The following SIK3 variants were observed in gnomAD, a reference collection of about 807,000 sequenced individuals.
The protein encoded by SIK3 is serine/threonine-protein kinase SIK3.
A neutral mutation model predicts 144.2 loss-of-function variants in SIK3; 28 were observed. The observed-to-expected ratio is 0.19, with a 90% CI of 0.14 to 0.27. The LOEUF is 0.27. Ranked by LOEUF, SIK3 falls within the 10% of genes least tolerant of loss-of-function variation. The pLI is 1.00. For synonymous variants in SIK3, 686 were observed against 676.3 expected, an observed-to-expected ratio of 1.01 and a Z score of -0.22; for missense variants, 1,319 against 1,776.0, an observed-to-expected ratio of 0.74 and a Z score of 4.62.
chr11:116,994,734 A>G (rs1487674823), intron 1 of SIK3, among the ~76,000 whole-genome samples: 1 of 152,160 alleles, frequency 6.6e-6, no homozygotes, highest in Non-Finnish European at 1.5e-5. Flanking sequence ...GTTTACTCAC[A>G]CCAAACTAAA....
At chr11:116,915,153 T>TGTGTGTGCGC (rs1555093368) in intron 4 of SIK3, among the ~76,000 whole-genome samples, 51 of 149,212 alleles carry the variant, frequency 3.4e-4, no homozygotes, top group African/African-American at 1.1e-3. Flanking sequence ...TGTGTGTGTG[T>TGTGTGTGCGC]GTGTGTGTAT....
chr11:116,965,604 G>C (rs1390598839), intron 1 of SIK3, among the ~76,000 whole-genome samples: 6 of 136,520 alleles, frequency 4.4e-5, no homozygotes, highest in Non-Finnish European at 9.6e-5. Flanking sequence ...AAAAAAAAGA[G>C]AGGGAAGAGG....
chr11:117,092,255 C>G (rs1023478759), intron 1 of SIK3, among the ~76,000 whole-genome samples: 2 of 152,070 alleles, frequency 1.3e-5, no homozygotes, highest in Admixed American at 6.6e-5. Context: ...GCTAAGGTAC[C>G]ATGGCATCAT....
At chr11:117,010,282 A>C (rs1951202475) in intron 1 of SIK3, among the ~76,000 whole-genome samples, 1 of 152,198 alleles carries the variant, frequency 6.6e-6, no homozygotes, top group South Asian at 2.1e-4. Flanking sequence ...TAGCACTTTC[A>C]GCATGAGTAA....
intron 4 of SIK3, among the ~76,000 whole-genome samples, chr11:116,907,430 T>C (rs1325404029): frequency 6.6e-6 from 1 of 152,216 alleles, no homozygotes; most frequent in Non-Finnish European, 1.5e-5. Context: ...GCGGATCACT[T>C]GAGGTCAGGA....
At chr11:117,035,715 C>T (rs61905711) in intron 1 of SIK3, 30,526 of 982,302 alleles carry the variant, frequency 0.031, 605 homozygotes, top group Non-Finnish European at 0.034. Flanking sequence ...CCACCATGCC[C>T]GGCTAATTGT....
In SIK3 at chr11:116,918,395, A is replaced by ACCC. The variant is rs529353797; in HGVS notation, c.616+8821_616+8823dup. Among the ~76,000 whole-genome samples, 51 of 136,794 alleles carry ACCC rather than the reference A, an allele frequency of 3.7e-4. No individual in the cohort carries two copies. In the South Asian group the frequency reaches 0.012, roughly 31 times the overall value. 89.7% of individuals were successfully genotyped at this position (136,794 alleles called of 152,430 possible). ...CTCCTACACTTTTTTTTCCACCCCC[A>ACCC]CCCCCACAAGACCTCAAAGCAAAAG... On this transcript the variant is annotated intron_variant, in intron 4 of 24. Coordinates refer to ENST00000445177, the MANE Select transcript of SIK3 (RefSeq NM_001366686.3).
chr11:117,060,328 G>A lies in SIK3; in HGVS notation c.273+37815C>T, dbSNP rs182130417. 2.5e-4 allele frequency among the ~76,000 whole-genome samples: 38 copies of A among 152,282 alleles called. 1 individual carries two copies. The highest frequency in any genetic ancestry group is 8.9e-4 in the African/African-American group (37 of 41,550). On this transcript the variant is annotated intron_variant, in intron 1 of 24. Coordinates refer to ENST00000445177, the MANE Select transcript of SIK3 (RefSeq NM_001366686.3). Reference sequence around the variant, plus strand: ...AGATCAGTGATTGGCCAGGCGAGGTGGCTCATGCCTGTAATCCCAGCACTT... The same window carrying A: ...AGATCAGTGATTGGCCAGGCGAGGTAGCTCATGCCTGTAATCCCAGCACTT...
chr11:117,028,471 G>T (rs1349814268), intron 1 of SIK3, among the ~76,000 whole-genome samples: 1 of 152,112 alleles, frequency 6.6e-6, no homozygotes, highest in Non-Finnish European at 1.5e-5. Context: ...ACCAATGTAG[G>T]AGGTGGCAGA....
intron 1 of SIK3, among the ~76,000 whole-genome samples, chr11:116,978,828 G>C (rs78241753): frequency 0.071 from 10,746 of 152,010 alleles, 673 homozygotes; most frequent in African/African-American, 0.17. Flanking sequence ...ATTTCTAACT[G>C]CCTTTTTTGA....
chr11:116,864,211 T>C (rs1943505775), intron 15 of SIK3: 2 of 156,282 alleles, frequency 1.3e-5, no homozygotes, highest in African/African-American at 4.8e-5. Flanking sequence ...AAATTCACCA[T>C]TTGAGCCAAA....
intron 1 of SIK3, among the ~76,000 whole-genome samples, chr11:116,964,144 G>A (rs1049343118): frequency 3.3e-5 from 5 of 152,064 alleles, no homozygotes; most frequent in African/African-American, 2.4e-5. Flanking sequence ...GAGTAGCTGG[G>A]ACTACAGGGA....
rs775335764 is a variant in SIK3 at position 116,857,850 on chromosome 11, C to T, written c.3615G>A (p.Gln1205=). ...QELGIHPYGH[Q]PTAAFSKNKV... ...TATTTTTACTGAATGCAGCAGTTGG[C>T]TGATGACCATAGGGATGTATCCCCA... is the stretch of plus-strand genomic sequence containing the variant. Residue 1205 remains glutamine (Q), a synonymous_variant, in exon 21 of 25, where the codon CAG becomes CAA. Transcript: ENST00000445177. 3 of 1,614,100 alleles carry T rather than the reference C, an allele frequency of 1.9e-6. No individual in the cohort carries two copies. In the African/African-American group the frequency reaches 4.0e-5, roughly 22 times the overall value.
chr11:116,880,689 G>A (rs1035008208), intron 6 of SIK3, among the ~76,000 whole-genome samples: 6 of 152,120 alleles, frequency 3.9e-5, no homozygotes, highest in Non-Finnish European at 7.4e-5. Flanking sequence ...GGGTGAAAAC[G>A]AGGGGAATAG....
chr11:117,098,074 C>A (rs1012700331), intron 1 of SIK3, 69 bp downstream of exon 1: 1 of 1,235,992 alleles, frequency 8.1e-7, no homozygotes, highest in South Asian at 2.3e-5. Context: ...CCCGACCCCC[C>A]GGCTGGGGGG....
At chr11:116,988,266 G>GTCCC (rs1372224889) in intron 1 of SIK3, among the ~76,000 whole-genome samples, 2 of 152,020 alleles carry the variant, frequency 1.3e-5, no homozygotes, top group Non-Finnish European at 2.9e-5. Flanking sequence ...GGCGCCTGTA[G>GTCCC]TCCCAGCTAC....
At chr11:117,005,128 T>C (rs1301544975) in intron 1 of SIK3, among the ~76,000 whole-genome samples, 2 of 151,994 alleles carry the variant, frequency 1.3e-5, no homozygotes, top group Non-Finnish European at 2.9e-5. Flanking sequence ...CCTTTTTTAC[T>C]ATATAATACT....
At chr11:117,090,084 A>G (rs1448466091) in intron 1 of SIK3, among the ~76,000 whole-genome samples, 1 of 152,228 alleles carries the variant, frequency 6.6e-6, no homozygotes, top group Non-Finnish European at 1.5e-5. Flanking sequence ...AATTCATTCA[A>G]GACTGTTGAG....
Position 116,858,687 on chromosome 11 carries a change from AT to A in SIK3, c.2777del (p.Asn926IlefsTer43). ...GGTCGTAGTTAGCAGGGGAGAACCG[AT>A]TCACGTTCAAGCTGCAGACACAAAA... is the stretch of plus-strand genomic sequence containing the variant. ...DSAEAHSLNV[N>X]RFSPANYDQA... On this transcript the variant is annotated frameshift_variant, in exon 21 of 25. Transcript: ENST00000445177. LOFTEE classifies it high-confidence loss of function. This position sits in a 1 kb window ranked among gnomAD's most constrained non-coding sequence, Gnocchi z 5.4. The A allele has an allele frequency of 6.5e-7, 1 of 1,536,512 alleles. No individual in the cohort carries two copies. The highest frequency in any genetic ancestry group is 8.8e-7 in the Non-Finnish European group (1 of 1,141,080).
Sources: gnomAD v4.1 joint callset for allele counts (sites outside exome capture counted in the v4.1 genomes callset) on GRCh38, gnomAD v4.1.1 for gene constraint, Gnocchi (gnomAD v3.1) non-coding constraint, MANE v1.5 for transcripts, NCBI Gene and HGNC (gene_info 2026-07-23, HGNC 2026-07-21) for gene names.